The following MUC17 variants were observed in gnomAD, a reference collection of about 807,000 sequenced individuals.
MUC17 encodes mucin 17, cell surface associated.
In MUC17, 190 loss-of-function variants were observed where a neutral mutation model predicts 170.3. That is an observed-to-expected ratio of 1.12 (90% CI 0.99 to 1.26). The LOEUF is 1.26. Ranked by LOEUF, MUC17 falls within the 50% of genes most tolerant of loss-of-function variation. The pLI is 0.00. For synonymous variants in MUC17, 2,325 were observed against 2,002.5 expected (o/e 1.16, Z -4.30); for missense variants, 6,415 against 5,530.0 (o/e 1.16, Z -5.08).
In MUC17 at chr7:101,037,271, A is replaced by C. The variant is rs1427281711; in HGVS notation, c.5855A>C (p.Asp1952Ala). 1 of 1,611,386 alleles carries C rather than the reference A, an allele frequency of 6.2e-7. No individual in the cohort carries two copies. Among genetic ancestry groups the C allele is most frequent in the African/African-American group, 1.3e-5 (1 of 74,816 alleles). Residue 1952 changes from aspartate to alanine, a missense_variant, in exon 3 of 13, where the codon GAC becomes GCC. By Grantham distance (126) the Asp-to-Ala change is moderately radical. Coordinates refer to ENST00000306151, the MANE Select transcript of MUC17 (RefSeq NM_001040105.2). ...AACACCCTTTCAACAACTCTTGCTG[A>C]CACCAGGACACCTGTGACCACTTAT... ...EINTLSTTLA[D>A]TRTPVTTYSQ...
At position 101,036,126 on chromosome 7, in the gene MUC17, A is replaced by C. The variant is rs140849701; in HGVS notation, c.4710A>C (p.Glu1570Asp). Reference protein sequence around the residue: ...GTSMQTSTYSEGSTPLTSLPV... With the variant: ...GTSMQTSTYSDGSTPLTSLPV... ...GCATGCAAACCTCAACTTATAGTGAAGGAAGCACTCCACTAACAAGTTTGC... is the reference window on the plus strand; with the variant it reads ...GCATGCAAACCTCAACTTATAGTGACGGAAGCACTCCACTAACAAGTTTGC... The change falls in exon 3 of 13, where the codon GAA becomes GAC. Residue 1570 changes from glutamate (E) to aspartate (D), a missense_variant. Glu to Asp is a conservative substitution (Grantham distance 45). Transcript: ENST00000306151. 1.2e-6 allele frequency: 2 copies of C among 1,613,202 alleles called. No homozygotes were observed. Among genetic ancestry groups the C allele is most frequent in the African/African-American group, 1.3e-5 (1 of 74,988 alleles).
At position 101,037,597 on chromosome 7, in the gene MUC17, G is replaced by A. The variant is rs781706335; in HGVS notation, c.6181G>A (p.Gly2061Ser). Residue 2061 changes from glycine (G) to serine (S), a missense_variant, in exon 3 of 13, where the codon GGT becomes AGT. Gly to Ser is a moderately conservative substitution (Grantham distance 56). Coordinates refer to ENST00000306151, the MANE Select transcript of MUC17 (RefSeq NM_001040105.2). The stretch of plus-strand genomic sequence containing the variant: ...CACTACGCTTGTGGTCAGTTCTGAG[G>A]GTAACACCCTTTCAACAACTCCTGT... ...VSTTLVVSSE[G>S]NTLSTTPVDS... 3.1e-6 allele frequency: 5 copies of A among 1,613,288 alleles called. No individual in the cohort carries two copies. The Admixed American group carries it at 5.0e-5, about 16-fold the overall frequency.
At position 101,033,255 on chromosome 7, in the gene MUC17, T is replaced by G; in HGVS notation, c.1839T>G (p.Thr613=). 6.2e-7 allele frequency: 1 copy of G among 1,614,040 alleles called. No individual in the cohort carries two copies. Among genetic ancestry groups the G allele is most frequent in the Non-Finnish European group, 8.5e-7 (1 of 1,180,022 alleles). The change falls in exon 3 of 13, where the codon ACT becomes ACG. Residue 613 remains threonine (T), a synonymous_variant. Coordinates refer to ENST00000306151, the MANE Select transcript of MUC17 (RefSeq NM_001040105.2). ...GTGAAGCTAGTTCATCTTCTACAAC[T>G]GCTGAAGGTACCAGCATGCCAACCT... ...TSSEASSSST[T]AEGTSMPTST... is the part of the protein sequence containing the mutation.
chr7:101,056,040 G>A (rs1280297274), intron 11 of MUC17, among the ~76,000 whole-genome samples, 154 bp from the exon 12 acceptor site: 1 of 152,152 alleles, frequency 6.6e-6, no homozygotes, highest in African/African-American at 2.4e-5. Context: ...GCTGAGTCAG[G>A]TAATGTTGAC....
rs1368513441 is a variant in MUC17 at position 101,035,543 on chromosome 7, C to G, written c.4127C>G (p.Ser1376Ter). ...TPVTTSTEAC[S>*]SPTTSEGTSM... ...GTGACCACTTCTACTGAAGCCTGTT[C>G]ATCTCCTACAACTTCTGAAGGTACC... Residue 1376 changes from serine to a stop codon, truncating the protein, a stop_gained, in exon 3 of 13, where the codon TCA becomes TGA. Coordinates refer to ENST00000306151, the MANE Select transcript of MUC17 (RefSeq NM_001040105.2). LOFTEE classifies it high-confidence loss of function. 1 of 1,596,656 alleles carries G rather than the reference C, an allele frequency of 6.3e-7. No homozygotes were observed. The highest frequency in any genetic ancestry group is 8.6e-7 in the Non-Finnish European group (1 of 1,169,474).
At position 101,034,151 on chromosome 7, in the gene MUC17, C is replaced by T; in HGVS notation, c.2735C>T (p.Thr912Ile). 1 of 1,584,690 alleles carries T rather than the reference C, an allele frequency of 6.3e-7. No individual in the cohort carries two copies. Among genetic ancestry groups the T allele is most frequent in the East Asian group, 2.4e-5 (1 of 42,024 alleles). The change falls in exon 3 of 13, where the codon ACC (threonine) becomes ATC (isoleucine). Residue 912 changes from threonine to isoleucine, a missense_variant. Thr to Ile is a moderately conservative substitution (Grantham distance 89). Coordinates refer to ENST00000306151, the MANE Select transcript of MUC17 (RefSeq NM_001040105.2). ...ARSSPTTSEGTSMPTSTPGEG... is the reference protein window; with the variant it reads ...ARSSPTTSEGISMPTSTPGEG... ...TCGTCTCCTACAACTTCTGAAGGTA[C>T]CAGCATGCCAACCTCAACTCCTGGG...
Position 101,035,927 on chromosome 7 carries a change from T to G in MUC17, c.4511T>G (p.Ile1504Arg), listed in dbSNP as rs1459057111. Reference protein sequence around the residue: ...SSPTPAEGTSIAISTPSEGST... With the variant: ...SSPTPAEGTSRAISTPSEGST... The stretch of plus-strand genomic sequence containing the variant: ...CCTACACCTGCTGAAGGTACCAGCA[T>G]AGCAATCTCAACGCCTAGTGAAGGA... Residue 1504 changes from isoleucine to arginine, a missense_variant, in exon 3 of 13, where the codon ATA becomes AGA. Ile to Arg is a moderately conservative substitution (Grantham distance 97). Coordinates refer to ENST00000306151, the MANE Select transcript of MUC17 (RefSeq NM_001040105.2). 6.2e-7 allele frequency: 1 copy of G among 1,613,076 alleles called. No homozygotes were observed. Among genetic ancestry groups the G allele is most frequent in the African/African-American group, 1.3e-5 (1 of 74,936 alleles).
chr7:101,054,594 C>T (rs530344031), intron 11 of MUC17, among the ~76,000 whole-genome samples: 256 of 151,922 alleles, frequency 1.7e-3, no homozygotes, highest in African/African-American at 5.8e-3. Context: ...TTTGGGAGGC[C>T]GAGGCTGGAG....
At chr7:101,025,643 A>C (rs1354579797) in intron 1 of MUC17, among the ~76,000 whole-genome samples, 1 of 151,914 alleles carries the variant, frequency 6.6e-6, no homozygotes, top group African/African-American at 2.4e-5. Flanking sequence ...AATACAAAAA[A>C]ATTAGCCAGG....
At chr7:101,024,584 CA>C (rs1345995420) in intron 1 of MUC17, among the ~76,000 whole-genome samples, 2 of 152,066 alleles carry the variant, frequency 1.3e-5, no homozygotes, top group Admixed American at 1.3e-4. Flanking sequence ...GGCCTCAACC[CA>C]ACCCATTGCC....
At position 101,032,942 on chromosome 7, in the gene MUC17, G is replaced by A; in HGVS notation, c.1526G>A (p.Gly509Glu). The change falls in exon 3 of 13, where the codon GGA becomes GAA. Residue 509 changes from glycine to glutamate, a missense_variant. Transcript: ENST00000306151. ...ATGCCAACCTCAACTCCTAGTGAAGGAAGCACTCCATTAACAAGTATGTCT... is the reference window on the plus strand; with the variant it reads ...ATGCCAACCTCAACTCCTAGTGAAGAAAGCACTCCATTAACAAGTATGTCT... Reference protein sequence around the residue: ...NSMPTSTPSEGSTPLTSMSVS... With the variant: ...NSMPTSTPSEESTPLTSMSVS... 2 of 1,613,952 alleles carry A rather than the reference G, an allele frequency of 1.2e-6. No individual in the cohort carries two copies. The highest frequency in any genetic ancestry group is 1.7e-6 in the Non-Finnish European group (2 of 1,180,006).
chr7:101,020,120 C>A lies in MUC17; in HGVS notation c.-16C>A. 1.3e-6 allele frequency: 2 copies of A among 1,580,888 alleles called. No individual in the cohort carries two copies. The highest frequency in any genetic ancestry group is 1.4e-5 in the African/African-American group (1 of 73,642). On this transcript the variant is annotated 5_prime_UTR_variant, in exon 1 of 13. Coordinates refer to ENST00000306151, the MANE Select transcript of MUC17 (RefSeq NM_001040105.2). ...CTCTGGGGGTGACAGGCAAGTGAGA[C>A]GTGCTCAGAGCTCCGATGCCAAGGC...
At chr7:101,045,672 T>C (rs539604925) in intron 3 of MUC17, among the ~76,000 whole-genome samples, 199 of 152,304 alleles carry the variant, frequency 1.3e-3, no homozygotes, top group Non-Finnish European at 8.8e-4. Context: ...GGATTACAGG[T>C]GTTAGCCACC....
At position 101,041,392 on chromosome 7, in the gene MUC17, G is replaced by T. The variant is rs750004585; in HGVS notation, c.9976G>T (p.Asp3326Tyr). The T allele has an allele frequency of 6.4e-5, 104 of 1,613,498 alleles. No individual in the cohort carries two copies. The highest frequency in any genetic ancestry group is 8.5e-5 in the Non-Finnish European group (100 of 1,179,772). ...SQASSSPPIA[D>Y]GTSMPTSTYS... ...AGCCAGTTCATCTCCTCCAATTGCT[G>T]ACGGTACTAGCATGCCAACCTCAAC... is the stretch of plus-strand genomic sequence containing the variant. The change falls in exon 3 of 13, where the codon GAC becomes TAC. Residue 3326 changes from aspartate to tyrosine, a missense_variant. Physicochemically the swap from Asp to Tyr is radical, Grantham distance 160. Transcript: ENST00000306151.
Position 101,040,378 on chromosome 7 carries a change from C to A in MUC17, c.8962C>A (p.Pro2988Thr), listed in dbSNP as rs1477109111. Residue 2988 changes from proline (P) to threonine (T), a missense_variant, in exon 3 of 13, where the codon CCA (proline) becomes ACA (threonine). Pro to Thr is a conservative substitution (Grantham distance 38). Coordinates refer to ENST00000306151, the MANE Select transcript of MUC17 (RefSeq NM_001040105.2). ...CTCAACTCCTGGCGAAAGAAGAACTCCATTAACAAGTATGTCTGTCAGCAC... is the reference window on the plus strand; with the variant it reads ...CTCAACTCCTGGCGAAAGAAGAACTACATTAACAAGTATGTCTGTCAGCAC... Reference protein sequence around the residue: ...PISTPGERRTPLTSMSVSTMP... With the variant: ...PISTPGERRTTLTSMSVSTMP... The A allele has an allele frequency of 2.5e-6, 4 of 1,612,380 alleles. No homozygotes were observed. Among genetic ancestry groups the A allele is most frequent in the Middle Eastern group, 1.6e-4 (1 of 6,074 alleles).
In MUC17 at chr7:101,039,018, C is replaced by A. The variant is rs1280744891; in HGVS notation, c.7602C>A (p.Thr2534=). The change falls in exon 3 of 13, where the codon ACC becomes ACA. Residue 2534 remains threonine (T), a synonymous_variant. Coordinates refer to ENST00000306151, the MANE Select transcript of MUC17 (RefSeq NM_001040105.2). ...CAGTGGCCAGTCCTGAGGCTAGCAC[C>A]CTTTCAACAACTCCTGTTGACTCCA... is the stretch of plus-strand genomic sequence containing the variant. ...TTPVASPEAS[T]LSTTPVDSNS... 4 of 1,613,474 alleles carry A rather than the reference C, an allele frequency of 2.5e-6. No homozygotes were observed. In the South Asian group the frequency reaches 3.3e-5, roughly 13 times the overall value.
At chr7:101,057,897 T>C in intron 12 of MUC17, 106 bp from the exon 13 acceptor site, 1 of 950,452 alleles carries the variant, frequency 1.1e-6, no homozygotes, top group Non-Finnish European at 1.6e-6. Flanking sequence ...TAATAAAAAA[T>C]AAAAATAATT....
At position 101,051,962 on chromosome 7, in the gene MUC17, T is replaced by C; in HGVS notation, c.13103T>C (p.Leu4368Pro). 1 of 1,610,974 alleles carries C rather than the reference T, an allele frequency of 6.2e-7. No homozygotes were observed. The highest frequency in any genetic ancestry group is 2.2e-5 in the East Asian group (1 of 44,812). ...ATGTCTCTAAGTGGACCTCAGTGCC[T>C]GTGAGTGCTCCCCCATCTCCTCCAG... is the stretch of plus-strand genomic sequence containing the variant. ...CQMSLSGPQC[L>P]CVTTETHWYS... The change falls in exon 9 of 13, where the codon CTC (leucine) becomes CCC (proline). Residue 4368 changes from leucine (L) to proline (P), a missense_variant and splice_region_variant. Physicochemically the swap from Leu to Pro is moderately conservative, Grantham distance 98 (BLOSUM62 -3). Transcript: ENST00000306151.
chr7:101,052,077 C>A, intron 9 of MUC17, 115 bp downstream of exon 9: 2 of 1,233,958 alleles, frequency 1.6e-6, no homozygotes, highest in East Asian at 2.4e-5. Context: ...TAGGTCCCAG[C>A]GTCTCCTGAA....
Sources: allele counts gnomAD v4.1 joint callset (sites outside exome capture counted in the v4.1 genomes callset), GRCh38; gene constraint gnomAD v4.1.1; transcripts MANE v1.5; gene names NCBI Gene and HGNC (gene_info 2026-07-23, HGNC 2026-07-21).